The following SPEN variants were observed in gnomAD, a reference collection of about 807,000 sequenced individuals.
SPEN encodes spen family transcriptional repressor, also known as msx2-interacting protein.
A neutral mutation model predicts 269.9 loss-of-function variants in SPEN; 18 were observed. The observed-to-expected ratio is 0.07, with a 90% CI of 0.05 to 0.10. The LOEUF (loss-of-function observed/expected upper bound fraction) is 0.10. SPEN is among the 10% of genes least tolerant of loss of function. The pLI is 1.00. For missense variants in SPEN, 3,822 were observed against 4,631.2 expected, an observed-to-expected ratio of 0.83 and a Z score of 5.07; for synonymous variants, 1,726 against 1,765.7, an observed-to-expected ratio of 0.98 and a Z score of 0.56.
intron 3 of SPEN, among the ~76,000 whole-genome samples, chr1:15,890,828 C>CCTATT (rs1181695743): frequency 4.6e-5 from 7 of 152,236 alleles, no homozygotes; most frequent in Admixed American, 6.5e-5. Context: ...ATCTCTATAG[C>CCTATT]CTATTCTGGC....
At chr1:15,918,844 A>C in intron 6 of SPEN, 82 bp from the exon 7 acceptor site, 1 of 1,197,566 alleles carries the variant, frequency 8.4e-7, no homozygotes, top group Non-Finnish European at 1.2e-6. Context: ...TTTTTTGAGA[A>C]ATAAATACCC....
chr1:15,911,522 A>T (rs548936485), intron 5 of SPEN, among the ~76,000 whole-genome samples: 2 of 152,346 alleles, frequency 1.3e-5, no homozygotes, highest in East Asian at 3.9e-4. Flanking sequence ...TGTTGCTGTA[A>T]TGGAGCCTTG....
At position 15,916,063 on chromosome 1, in the gene SPEN, A is replaced by G. The variant is rs989543570; in HGVS notation, c.1244-65A>G. ...TTGTTTTTTAAATGTAGATTTTTCC[A>G]TGATATATAAATATGCATTAAAATA... On this transcript the variant is annotated intron_variant, in intron 5 of 14. Transcript: ENST00000375759. 9 of 1,511,412 alleles carry G rather than the reference A, an allele frequency of 6.0e-6. No homozygotes were observed. In the African/African-American group the frequency reaches 7.0e-5, roughly 12 times the overall value. The allele number at this position is 1,511,412 out of a possible 1,614,324, so 93.6% of individuals were successfully genotyped here. A position where few individuals can be genotyped will look rare whatever the true frequency, so the allele number is the denominator to read the frequency against.
chr1:15,873,336 G>T, intron 2 of SPEN, 200 bp downstream of exon 2: 1 of 985,352 alleles, frequency 1.0e-6, no homozygotes, highest in Non-Finnish European at 1.2e-6. Context: ...CAGCTGATTG[G>T]ATATCTGTTC....
At chr1:15,913,985 C>A (rs2071034379) in intron 5 of SPEN, among the ~76,000 whole-genome samples, 1 of 152,162 alleles carries the variant, frequency 6.6e-6, no homozygotes, top group Non-Finnish European at 1.5e-5. Context: ...GGAGCACAAA[C>A]CTCAATATTC....
rs2071193774 is a variant in SPEN, at chr1:15,928,833, G to A, written c.2593G>A (p.Glu865Lys). Reference sequence around the variant, plus strand: ...ACTGAGCAGAGAGAAAGCTGACAAAGAGGGAATAGCGAAAAACCGCCTGGA... The same window carrying A: ...ACTGAGCAGAGAGAAAGCTGACAAAAAGGGAATAGCGAAAAACCGCCTGGA... ...NKLSREKADK[E>K]GIAKNRLELM... The change falls in exon 11 of 15, where the codon GAG becomes AAG. Residue 865 changes from glutamate to lysine, a missense_variant. Physicochemically the swap from Glu to Lys is moderately conservative, Grantham distance 56 (BLOSUM62 1). Around this residue, in one of 16 missense-constraint regions of SPEN, gnomAD observed 572 missense variants for 582.6 expected, o/e 0.98. Transcript: ENST00000375759. This position sits in a 1 kb window ranked among gnomAD's most constrained non-coding sequence, Gnocchi z 5.7. The A allele has an allele frequency of 6.2e-7, 1 of 1,614,114 alleles. No individual in the cohort carries two copies. The highest frequency in any genetic ancestry group is 8.5e-7 in the Non-Finnish European group (1 of 1,179,978).
At chr1:15,907,063 C>T (rs1247098984) in intron 3 of SPEN, among the ~76,000 whole-genome samples, 4 of 152,138 alleles carry the variant, frequency 2.6e-5, no homozygotes, top group South Asian at 2.1e-4. Context: ...TAAGCCACTG[C>T]ACCCAGTCAA....
At chr1:15,854,995 G>A (rs952840778) in intron 1 of SPEN, among the ~76,000 whole-genome samples, 2 of 152,128 alleles carry the variant, frequency 1.3e-5, no homozygotes. Context: ...TAAATTTAGT[G>A]AATTCTTGGA....
At chr1:15,936,657 C>A (rs1228570276) in intron 11 of SPEN, among the ~76,000 whole-genome samples, 3 of 107,336 alleles carry the variant, frequency 2.8e-5, no homozygotes, top group African/African-American at 3.1e-5. Flanking sequence ...AAAAAAAAAG[C>A]CGGGCATAGT....
intron 3 of SPEN, among the ~76,000 whole-genome samples, chr1:15,905,780 G>A (rs1210771109): frequency 6.6e-6 from 1 of 151,270 alleles, no homozygotes; most frequent in Non-Finnish European, 1.5e-5. Context: ...TCACCATGTT[G>A]GCCAGGATGG....
chr1:15,856,424 G>A (rs1182028332), intron 1 of SPEN, among the ~76,000 whole-genome samples: 2 of 151,958 alleles, frequency 1.3e-5, no homozygotes, highest in East Asian at 1.9e-4. Context: ...ATAATATAGA[G>A]AAAACTAATA....
chr1:15,865,806 C>G (rs1430334252), intron 1 of SPEN, among the ~76,000 whole-genome samples: 5 of 151,892 alleles, frequency 3.3e-5, no homozygotes, highest in Non-Finnish European at 5.9e-5. Context: ...ATTTATTTCT[C>G]AAGTGTTGCA....
At chr1:15,909,595 G>A (rs777008959) in intron 4 of SPEN, 114 bp downstream of exon 4, 54 of 1,121,074 alleles carry the variant, frequency 4.8e-5, no homozygotes, top group East Asian at 9.6e-5. Flanking sequence ...AACCCATTTC[G>A]AAATATTAAC....
rs369418498 is a variant in SPEN at position 15,936,191 on chromosome 1, G to T, written c.9951G>T (p.Pro3317=). Residue 3317 remains proline (P), a synonymous_variant, in exon 11 of 15, where the codon CCG becomes CCT. Coordinates refer to ENST00000375759, the MANE Select transcript of SPEN (RefSeq NM_015001.3). ...RYGDIRTYHP[P]AQLTHTQFPA... ...GCGACATCCGCACCTACCACCCCCCGGCCCAGCTCACACACACTCAGTTTC... is the reference window on the plus strand; with the variant it reads ...GCGACATCCGCACCTACCACCCCCCTGCCCAGCTCACACACACTCAGTTTC... 1 of 1,591,896 alleles carries T rather than the reference G, an allele frequency of 6.3e-7. No individual in the cohort carries two copies. The highest frequency in any genetic ancestry group is 2.2e-5 in the East Asian group (1 of 44,462).
In SPEN at chr1:15,937,257, T is replaced by C; in HGVS notation, c.10121T>C (p.Leu3374Pro). ...GCACCACCCTGCCCGCCCTCCCAGC[T>C]CGGTCAGCCCGGCCAGCCACCAAGC... ...QPAPPCPPSQLGQPGQPPSSK... is the reference protein window; with the variant it reads ...QPAPPCPPSQPGQPGQPPSSK... Residue 3374 changes from leucine to proline, a missense_variant, in exon 12 of 15, where the codon CTC becomes CCC. This residue lies in a region of SPEN where 359 missense variants were observed against 377.3 expected (regional missense o/e 0.95). Coordinates refer to ENST00000375759, the MANE Select transcript of SPEN (RefSeq NM_015001.3). The surrounding 1 kb of genome is among the most constrained non-coding windows in gnomAD (Gnocchi z 5.7). 1 of 1,613,186 alleles carries C rather than the reference T, an allele frequency of 6.2e-7. No homozygotes were observed. The highest frequency in any genetic ancestry group is 8.5e-7 in the Non-Finnish European group (1 of 1,179,886).
intron 9 of SPEN, among the ~76,000 whole-genome samples, chr1:15,921,279 G>C (rs937211008): frequency 7.2e-5 from 11 of 152,182 alleles, no homozygotes; most frequent in African/African-American, 2.4e-4. Flanking sequence ...GCAGTGTGCT[G>C]AGATCATGCC....
At chr1:15,850,809 C>A (rs1220522811) in intron 1 of SPEN, among the ~76,000 whole-genome samples, 2 of 152,154 alleles carry the variant, frequency 1.3e-5, no homozygotes, top group African/African-American at 4.8e-5. Context: ...AAATGGTATT[C>A]ACTTCTGGTG....
At chr1:15,879,543 A>G (rs550983739) in intron 3 of SPEN, among the ~76,000 whole-genome samples, 10 of 152,224 alleles carry the variant, frequency 6.6e-5, no homozygotes, top group Admixed American at 1.3e-4. Flanking sequence ...GGAGTAAATT[A>G]CAATAAAAAA....
rs2071204554 is a variant in SPEN, at chr1:15,929,916, A to G, written c.3676A>G (p.Lys1226Glu). Residue 1226 changes from lysine (K) to glutamate (E), a missense_variant, in exon 11 of 15, where the codon AAA becomes GAA. Physicochemically the swap from Lys to Glu is moderately conservative, Grantham distance 56. This residue lies in a region of SPEN where 267 missense variants were observed against 315.5 expected (regional missense o/e 0.85). Transcript: ENST00000375759. The surrounding 1 kb of genome is among the most constrained non-coding windows in gnomAD (Gnocchi z 5.8). ...QDVTDDSPPS[K>E]KKRMDHVDFD... is the part of the protein sequence containing the mutation. ...TGTCACTGATGACTCTCCTCCTAGCAAAAAGAAAAGGATGGATCATGTCGA... is the reference window on the plus strand; with the variant it reads ...TGTCACTGATGACTCTCCTCCTAGCGAAAAGAAAAGGATGGATCATGTCGA... 6.2e-7 allele frequency: 1 copy of G among 1,614,050 alleles called. No homozygotes were observed. The highest frequency in any genetic ancestry group is 1.1e-5 in the South Asian group (1 of 91,084).
Sources: gnomAD v4.1 joint callset for allele counts (sites outside exome capture counted in the v4.1 genomes callset) on GRCh38, gnomAD v4.1.1 for gene constraint, gnomAD v4.1.1 regional missense constraint, Gnocchi (gnomAD v3.1) non-coding constraint, MANE v1.5 for transcripts, NCBI Gene and HGNC (gene_info 2026-07-23, HGNC 2026-07-21) for gene names.